BTBD9: variants seen among roughly 807,000 people sequenced by gnomAD.
BTBD9 encodes the protein BTB domain containing 9, also known as BTB/POZ domain-containing protein 9.
A neutral mutation model predicts 64.3 loss-of-function variants in BTBD9; 49 were observed. That is an observed-to-expected ratio of 0.76 (90% CI 0.61 to 0.97). BTBD9 has a LOEUF of 0.97. Ranked by LOEUF, BTBD9 falls within the 50% of genes least tolerant of loss-of-function variation. The pLI, the probability that BTBD9 is intolerant of heterozygous loss-of-function variation, is 0.00. For synonymous variants in BTBD9, 260 were observed against 274.7 expected (o/e 0.95, Z 0.53); for missense variants, 598 against 762.1 (o/e 0.78, Z 2.53).
At chr6:38,505,964 C>CAAAAAAAAA (rs59014161) in intron 6 of BTBD9, among the ~76,000 whole-genome samples, 20,592 of 81,518 alleles carry the variant, frequency 0.25, 4,483 homozygotes, top group South Asian at 0.36. Context: ...TCCGTCTCAA[C>CAAAAAAAAA]AAAAAAAAAA....
At chr6:38,275,735 A>G (rs1761210244) in intron 8 of BTBD9, among the ~76,000 whole-genome samples, 1 of 152,216 alleles carries the variant, frequency 6.6e-6, no homozygotes, top group African/African-American at 2.4e-5. Flanking sequence ...GCAGCCAAAA[A>G]CACATGAAAA....
chr6:38,245,041 A>G (rs1432414422), intron 9 of BTBD9, among the ~76,000 whole-genome samples: 4 of 152,160 alleles, frequency 2.6e-5, no homozygotes, highest in African/African-American at 9.7e-5. Flanking sequence ...ACCAACATGC[A>G]TACGTGACTG....
intron 6 of BTBD9, among the ~76,000 whole-genome samples, chr6:38,362,076 C>G (rs527481964): frequency 4.6e-5 from 7 of 152,244 alleles, no homozygotes; most frequent in East Asian, 1.9e-4. Context: ...CCCAAAAGTA[C>G]TTCAGGTGTC....
rs70981538 is a variant in BTBD9 at position 38,303,840 on chromosome 6, GATATATATATATATATATAT to G, written c.1265-15399_1265-15380del. On this transcript the variant is annotated intron_variant, in intron 7 of 10. Transcript: ENST00000481247. ...TAATATCTAGCAACTTTAGTTGCTA[GATATATATATATATATATAT>G]ATATATATATATATACACACACACA... 2.4e-4 allele frequency among the ~76,000 whole-genome samples: 18 copies of G among 75,310 alleles called. 1 individual carries two copies. The South Asian group carries it at 2.8e-3, about 12-fold the overall frequency. The allele number at this position is 75,310 out of a possible 152,430, so 49.4% of individuals were successfully genotyped here.
chr6:38,295,608 A>C (rs1762131813), intron 7 of BTBD9, among the ~76,000 whole-genome samples: 1 of 152,146 alleles, frequency 6.6e-6, no homozygotes, highest in Non-Finnish European at 1.5e-5. Flanking sequence ...GTATGCTGTG[A>C]GATGAGGATT....
At chr6:38,359,456 A>C (rs1764867476) in intron 6 of BTBD9, among the ~76,000 whole-genome samples, 1 of 152,194 alleles carries the variant, frequency 6.6e-6, no homozygotes, top group Non-Finnish European at 1.5e-5. Flanking sequence ...TGTCTTCTGG[A>C]GTCCCTGTCA....
At chr6:38,414,426 C>A (rs1050202370) in intron 6 of BTBD9, among the ~76,000 whole-genome samples, 1 of 152,188 alleles carries the variant, frequency 6.6e-6, no homozygotes, top group Admixed American at 6.5e-5. Context: ...GGATGTAAGT[C>A]ACAAGGCCCT....
intron 6 of BTBD9, among the ~76,000 whole-genome samples, chr6:38,531,149 G>T (rs552875920): frequency 6.6e-6 from 1 of 152,114 alleles, no homozygotes; most frequent in Non-Finnish European, 1.5e-5. Context: ...TCAACCCAAA[G>T]AAGACTACCT....
intron 4 of BTBD9, chr6:38,588,472 C>T: frequency 1.2e-6 from 1 of 846,048 alleles, no homozygotes; most frequent in Non-Finnish European, 1.9e-6. Flanking sequence ...TGGGCCTAAT[C>T]CTTATATGTC....
rs765570900 is a variant in BTBD9 at position 38,592,849 on chromosome 6, G to T, written c.550-9C>A. On this transcript the variant is annotated splice_polypyrimidine_tract_variant and intron_variant, in intron 3 of 10. Transcript: ENST00000481247. ...ATGTTTAAAAGTGCTGTCTGAAAAGGATAAAAAGGTAAAATTCCAGTTATA... is the reference window on the plus strand; with the variant it reads ...ATGTTTAAAAGTGCTGTCTGAAAAGTATAAAAAGGTAAAATTCCAGTTATA... 2.7e-5 allele frequency: 43 copies of T among 1,612,286 alleles called. No homozygotes were observed. The highest frequency in any genetic ancestry group is 3.6e-5 in the Non-Finnish European group (43 of 1,178,832).
At chr6:38,547,879 C>T (rs1297426765) in intron 6 of BTBD9, among the ~76,000 whole-genome samples, 9 of 152,132 alleles carry the variant, frequency 5.9e-5, no homozygotes, top group Admixed American at 5.9e-4. Flanking sequence ...GTGGCAGGGA[C>T]TTTTTCTGTC....
intron 1 of BTBD9, among the ~76,000 whole-genome samples, chr6:38,637,253 CTTCT>C (rs984181483): frequency 3.3e-5 from 5 of 152,224 alleles, no homozygotes; most frequent in South Asian, 2.1e-4. Flanking sequence ...TGTGTCTTAA[CTTCT>C]TTGTCTTCCC....
chr6:38,609,916 T>G (rs1222027418), intron 1 of BTBD9, among the ~76,000 whole-genome samples: 1 of 152,218 alleles, frequency 6.6e-6, no homozygotes, highest in Non-Finnish European at 1.5e-5. Context: ...CAAATTCTCA[T>G]AGCCCATCAA....
At chr6:38,361,875 A>C (rs375668638) in intron 6 of BTBD9, among the ~76,000 whole-genome samples, 65 of 151,720 alleles carry the variant, frequency 4.3e-4, no homozygotes, top group Admixed American at 1.5e-3. Context: ...CAGGAAAAAA[A>C]AAAAACAAAA....
At chr6:38,470,720 G>A (rs1339906587) in intron 6 of BTBD9, among the ~76,000 whole-genome samples, 3 of 152,178 alleles carry the variant, frequency 2.0e-5, no homozygotes, top group Non-Finnish European at 2.9e-5. Context: ...GCTGATGATG[G>A]CATGAGCCAT....
chr6:38,272,692 ATAT>A (rs777497629), intron 8 of BTBD9, among the ~76,000 whole-genome samples: 4 of 152,134 alleles, frequency 2.6e-5, no homozygotes, highest in Non-Finnish European at 5.9e-5. Context: ...TATCAACAAG[ATAT>A]TATTTATCTG....
intron 9 of BTBD9, among the ~76,000 whole-genome samples, chr6:38,244,561 A>G (rs1304123751): frequency 6.6e-6 from 1 of 152,176 alleles, no homozygotes; most frequent in Non-Finnish European, 1.5e-5. Flanking sequence ...AAATCAAATC[A>G]ATTTCTGAAC....
intron 8 of BTBD9, among the ~76,000 whole-genome samples, chr6:38,281,420 C>T (rs1470363707): frequency 1.3e-5 from 2 of 152,118 alleles, no homozygotes; most frequent in African/African-American, 4.8e-5. Flanking sequence ...ACCACAGTGG[C>T]ATATGTAATT....
intron 6 of BTBD9, among the ~76,000 whole-genome samples, chr6:38,406,800 C>T (rs1179883243): frequency 1.3e-5 from 2 of 152,184 alleles, no homozygotes; most frequent in Admixed American, 6.5e-5. Flanking sequence ...TTCACAGACA[C>T]GACCACAGTG....
Sources: allele counts gnomAD v4.1 joint callset (sites outside exome capture counted in the v4.1 genomes callset), GRCh38; gene constraint gnomAD v4.1.1; transcripts MANE v1.5; gene names NCBI Gene and HGNC (gene_info 2026-07-23, HGNC 2026-07-21).